NCBP3: variants seen among roughly 807,000 people sequenced by gnomAD.
The protein encoded by NCBP3 is nuclear cap-binding protein subunit 3.
A neutral mutation model predicts 75.7 loss-of-function variants in NCBP3; 20 were observed. The observed-to-expected ratio is 0.26, with a 90% CI of 0.19 to 0.38. The LOEUF (loss-of-function observed/expected upper bound fraction) is 0.38. Ranked by LOEUF, NCBP3 falls within the 10% of genes least tolerant of loss-of-function variation. The probability of loss-of-function intolerance (pLI) is 1.00; values close to 1 mark genes in which losing one functional copy is unlikely to be tolerated. For missense variants in NCBP3, 678 were observed against 796.9 expected (o/e 0.85, Z 1.80); for synonymous variants, 293 against 290.5 (o/e 1.01, Z -0.09).
chr17:3,821,818 A>G (rs2053671257), intron 8 of NCBP3, 135 bp downstream of exon 8: 2 of 653,546 alleles, frequency 3.1e-6, no homozygotes, highest in Admixed American at 2.5e-5. Context: ...ATCATTTACC[A>G]CATCTAAGAA....
chr17:3,814,548 G>A, intron 11 of NCBP3, 65 bp from the exon 12 acceptor site: 1 of 1,561,264 alleles, frequency 6.4e-7, no homozygotes, highest in Non-Finnish European at 8.7e-7. Flanking sequence ...CCAGCCGCCT[G>A]ACACCTCTAA....
In NCBP3 at chr17:3,818,401, C is replaced by G. The variant is rs752633062; in HGVS notation, c.1172G>C (p.Arg391Pro). The change falls in exon 10 of 13, where the codon CGA (arginine) becomes CCA (proline). Residue 391 changes from arginine (R) to proline (P), a missense_variant. This residue lies in a region of NCBP3 where 365 missense variants were observed against 392.7 expected (regional missense o/e 0.93). Coordinates refer to ENST00000389005, the MANE Select transcript of NCBP3 (RefSeq NM_001114118.3). The surrounding 1 kb of genome is among the most constrained non-coding windows in gnomAD (Gnocchi z 4.7). The part of the protein sequence containing the change: ...KQPRERSASR[R>P]SSASSSDSDE... ...TGAGTCTGAGCTGCTGGCACTGGAT[C>G]GTCTAGACGCGCTCCGCTCCCGGGG... 6.2e-7 allele frequency: 1 copy of G among 1,613,996 alleles called. No individual in the cohort carries two copies. The highest frequency in any genetic ancestry group is 8.5e-7 in the Non-Finnish European group (1 of 1,180,024).
rs1245522893 is a variant in NCBP3 at position 3,818,380 on chromosome 17, T to C, written c.1193A>G (p.Asp398Gly). ...ASRRSSASSSDSDEMDYDLEL... is the reference protein window; with the variant it reads ...ASRRSSASSSGSDEMDYDLEL... ...TAGATCATAGTCCATTTCATCTGAGTCTGAGCTGCTGGCACTGGATCGTCT... is the reference window on the plus strand; with the variant it reads ...TAGATCATAGTCCATTTCATCTGAGCCTGAGCTGCTGGCACTGGATCGTCT... Residue 398 changes from aspartate (D) to glycine (G), a missense_variant, in exon 10 of 13, where the codon GAC (aspartate) becomes GGC (glycine). Asp to Gly is a moderately conservative substitution (Grantham distance 94, BLOSUM62 -1). This residue lies in a region of NCBP3 where 365 missense variants were observed against 392.7 expected (regional missense o/e 0.93). Transcript: ENST00000389005. This position sits in a 1 kb window ranked among gnomAD's most constrained non-coding sequence, Gnocchi z 4.7. 6.2e-7 allele frequency: 1 copy of C among 1,614,158 alleles called. No individual in the cohort carries two copies. Among genetic ancestry groups the C allele is most frequent in the South Asian group, 1.1e-5 (1 of 91,080 alleles).
rs772722462 is a variant in NCBP3 at position 3,811,694 on chromosome 17, G to C, written c.*1350C>G. 6.6e-6 allele frequency: 1 copy of C among 152,208 alleles called. No homozygotes were observed. The highest frequency in any genetic ancestry group is 1.5e-5 in the Non-Finnish European group (1 of 68,054). 9.4% of individuals were successfully genotyped at this position (152,208 alleles called of 1,614,324 possible). ...TGTGTGCACAACAGCCCAGGCAGGT[G>C]AAGAGTCGTGACATCGCAAAAAGGA... On this transcript the variant is annotated 3_prime_UTR_variant, in exon 13 of 13. Coordinates refer to ENST00000389005, the MANE Select transcript of NCBP3 (RefSeq NM_001114118.3).
rs140880081 is a variant in NCBP3, at chr17:3,832,361, C to T, written c.356-2993G>A. On this transcript the variant is annotated intron_variant, in intron 3 of 12. Transcript: ENST00000389005. ...TAAAAAAGAATTTAATGGGCAGGCG[C>T]GGTGGCTCACGCCTGTAATCCCAGC... 1.1e-3 allele frequency among the ~76,000 whole-genome samples: 130 copies of T among 119,822 alleles called. 41 individuals are homozygous for T. In the Middle Eastern group the frequency reaches 0.019, roughly 18 times the overall value. 78.6% of individuals were successfully genotyped at this position (119,822 alleles called of 152,430 possible).
rs1385021288 is a variant in NCBP3, at chr17:3,802,427, T to C, written c.*10617A>G. The stretch of plus-strand genomic sequence containing the variant: ...GTCTGCTTTGCTCTGACAAAGTGCT[T>C]ATGACTACTAGATCTTGCTCGGTTA... On this transcript the variant is annotated 3_prime_UTR_variant, in exon 13 of 13. Coordinates refer to ENST00000389005, the MANE Select transcript of NCBP3 (RefSeq NM_001114118.3). The C allele has an allele frequency of 2.0e-5, 3 of 152,238 alleles. No individual in the cohort carries two copies. Among genetic ancestry groups the C allele is most frequent in the African/African-American group, 4.8e-5 (2 of 41,458 alleles). The allele number at this position is 152,238 out of a possible 1,614,324, so 9.4% of individuals were successfully genotyped here. A position where few individuals can be genotyped will look rare whatever the true frequency, so the allele number is the denominator to read the frequency against.
intron 12 of NCBP3, 115 bp from the exon 13 acceptor site, chr17:3,813,394 GAGCC>G: frequency 7.7e-7 from 1 of 1,298,092 alleles, no homozygotes; most frequent in Non-Finnish European, 1.1e-6. Context: ...GCAGTCTGTG[GAGCC>G]TGCCACCACA....
At chr17:3,814,257 C>T in intron 12 of NCBP3, 65 bp downstream of exon 12, 2 of 1,522,484 alleles carry the variant, frequency 1.3e-6, no homozygotes, top group Non-Finnish European at 1.8e-6. Flanking sequence ...AGTATTTCTC[C>T]AATACACCCA....
chr17:3,829,461 G>A (rs944828210), intron 3 of NCBP3, 93 bp from the exon 4 acceptor site: 25 of 1,360,208 alleles, frequency 1.8e-5, no homozygotes, highest in African/African-American at 1.8e-4. Context: ...CAGACAACAC[G>A]AGTTTAGAAA....
intron 3 of NCBP3, among the ~76,000 whole-genome samples, chr17:3,833,892 G>T (rs1567592741): frequency 6.6e-6 from 1 of 152,068 alleles, no homozygotes; most frequent in Non-Finnish European, 1.5e-5. Context: ...TCCTCAGTCT[G>T]TTCCCTCTAC....
Position 3,829,338 on chromosome 17 carries a change from T to C in NCBP3, c.386A>G (p.Tyr129Cys), listed in dbSNP as rs1291325643. Residue 129 changes from tyrosine to cysteine, a missense_variant, in exon 4 of 13, where the codon TAT becomes TGT. Physicochemically the swap from Tyr to Cys is radical, Grantham distance 194 (BLOSUM62 -2). Transcript: ENST00000389005. The stretch of plus-strand genomic sequence containing the variant: ...GCTCATCTCATCTACTCCGCAAATA[T>C]AGATTGTCTCCAGTCTCACCTTGGG... ...AIPKVRLETI[Y>C]ICGVDEMSTQ... The C allele has an allele frequency of 1.9e-6, 3 of 1,551,780 alleles. No homozygotes were observed. Among genetic ancestry groups the C allele is most frequent in the Middle Eastern group, 1.7e-4 (1 of 6,014 alleles).
intron 11 of NCBP3, 86 bp downstream of exon 11, chr17:3,816,030 G>T: frequency 7.6e-7 from 1 of 1,318,754 alleles, no homozygotes; most frequent in Non-Finnish European, 1.0e-6. Context: ...TTCACACATC[G>T]CATGTTTTAC....
rs1177639516 is a variant in NCBP3 at position 3,818,821 on chromosome 17, TCA to T, written c.1001-251_1001-250del. On this transcript the variant is annotated intron_variant, in intron 9 of 12. Transcript: ENST00000389005. This position sits in a 1 kb window ranked among gnomAD's most constrained non-coding sequence, Gnocchi z 4.7. ...TTAAAATACAACTGACCTTTATTAT[TCA>T]CAGATTTTGTATTTGCAAATTTACC... Among the ~76,000 whole-genome samples the T allele has an allele frequency of 6.6e-6, 1 of 152,228 alleles. No homozygotes were observed. The highest frequency in any genetic ancestry group is 6.5e-5 in the Admixed American group (1 of 15,286).
At chr17:3,843,600 G>A (rs2054105839) in intron 1 of NCBP3, among the ~76,000 whole-genome samples, 2 of 152,328 alleles carry the variant, frequency 1.3e-5, no homozygotes, top group South Asian at 4.1e-4. Flanking sequence ...AGGCGGGAGT[G>A]CAGTGGCACA....
rs2053274786 is a variant in NCBP3 at position 3,802,227 on chromosome 17, T to A, written c.*10817A>T. 2 of 152,214 alleles carry A rather than the reference T, an allele frequency of 1.3e-5. No homozygotes were observed. Among genetic ancestry groups the A allele is most frequent in the Admixed American group, 1.3e-4 (2 of 15,272 alleles). 9.4% of individuals were successfully genotyped at this position (152,214 alleles called of 1,614,324 possible). A position where few individuals can be genotyped will look rare whatever the true frequency, so the allele number is the denominator to read the frequency against. On this transcript the variant is annotated 3_prime_UTR_variant, in exon 13 of 13. Coordinates refer to ENST00000389005, the MANE Select transcript of NCBP3 (RefSeq NM_001114118.3). ...AAAGGCAGGACATTCCAAGGCTCTC[T>A]AACACGAGTGTCTGCAGCCCCATTC...
chr17:3,813,421 G>A (rs187474200), intron 12 of NCBP3, 142 bp from the exon 13 acceptor site: 1 of 1,066,866 alleles, frequency 9.4e-7, no homozygotes, highest in African/African-American at 1.6e-5. Flanking sequence ...GCAGCCTTGG[G>A]CAGGCAAAAT....
chr17:3,843,001 A>T (rs2054093473), intron 2 of NCBP3, 85 bp downstream of exon 2: 1 of 1,107,028 alleles, frequency 9.0e-7, no homozygotes, highest in Admixed American at 2.5e-5. Context: ...TAAAAGAGGA[A>T]ATATTTACTG....
rs1419212543 is a variant in NCBP3 at position 3,832,354 on chromosome 17, G to GC, written c.356-2987dup. 3.4e-5 allele frequency among the ~76,000 whole-genome samples: 4 copies of GC among 119,270 alleles called. 2 individuals carry two copies. Among genetic ancestry groups the GC allele is most frequent in the Non-Finnish European group, 8.1e-5 (4 of 49,314 alleles). 78.2% of individuals were successfully genotyped at this position (119,270 alleles called of 152,430 possible). On this transcript the variant is annotated intron_variant, in intron 3 of 12. Coordinates refer to ENST00000389005, the MANE Select transcript of NCBP3 (RefSeq NM_001114118.3). ...AATAATGTAAAAAAGAATTTAATGGGCAGGCGCGGTGGCTCACGCCTGTAA... is the reference window on the plus strand; with the variant it reads ...AATAATGTAAAAAAGAATTTAATGGGCCAGGCGCGGTGGCTCACGCCTGTAA...
intron 7 of NCBP3, chr17:3,824,345 CACACACACAT>C (rs1410038834): frequency 1.3e-5 from 2 of 148,464 alleles, no homozygotes; most frequent in South Asian, 2.1e-4. Flanking sequence ...TACATACATA[CACACACACAT>C]ACACACACAC....
Sources: gnomAD v4.1 joint callset for allele counts (sites outside exome capture counted in the v4.1 genomes callset) on GRCh38, gnomAD v4.1.1 for gene constraint, gnomAD v4.1.1 regional missense constraint, Gnocchi (gnomAD v3.1) non-coding constraint, MANE v1.5 for transcripts, NCBI Gene and HGNC (gene_info 2026-07-23, HGNC 2026-07-21) for gene names.